Variants in ARMC6 observed in about 807,000 individuals in gnomAD.
ARMC6 encodes the protein armadillo repeat-containing protein 6.
A neutral mutation model predicts 49.2 loss-of-function variants in ARMC6; 43 were observed. The ratio of observed to expected loss-of-function variants is 0.87; its 90% CI spans 0.69 to 1.13. ARMC6 has a LOEUF of 1.13. Ranked by LOEUF, ARMC6 falls within the 50% of genes most tolerant of loss-of-function variation. The pLI, the probability that ARMC6 is intolerant of heterozygous loss-of-function variation, is 0.00. For synonymous variants in ARMC6, 262 were observed against 289.6 expected, an observed-to-expected ratio of 0.90 and a Z score of 0.97; for missense variants, 627 against 682.0, an observed-to-expected ratio of 0.92 and a Z score of 0.90.
intron 2 of ARMC6, chr19:19,037,672 C>A: frequency 8.7e-7 from 1 of 1,153,776 alleles, no homozygotes; most frequent in South Asian, 1.6e-5. Flanking sequence ...CTTGATAATT[C>A]CAGAACGGAA....
At position 19,054,251 on chromosome 19, in the gene ARMC6, G is replaced by A; in HGVS notation, c.953G>A (p.Gly318Asp). 6.2e-7 allele frequency: 1 copy of A among 1,611,952 alleles called. No homozygotes were observed. Among genetic ancestry groups the A allele is most frequent in the Non-Finnish European group, 8.5e-7 (1 of 1,179,058 alleles). Reference protein sequence around the residue: ...EFCQEVVDLGGLSILVSLLAD... With the variant: ...EFCQEVVDLGDLSILVSLLAD... ...TGCCAGGAGGTCGTCGACCTCGGGG[G>A]CCTGAGCATTCTGGTGTCCCTGCTA... The change falls in exon 6 of 9, where the codon GGC (glycine) becomes GAC (aspartate). Residue 318 changes from glycine (G) to aspartate (D), a missense_variant. By Grantham distance (94) the Gly-to-Asp change is moderately conservative. Transcript: ENST00000535612.
intron 4 of ARMC6, among the ~76,000 whole-genome samples, chr19:19,046,444 G>T (rs988058186): frequency 1.3e-5 from 2 of 151,946 alleles, no homozygotes; most frequent in African/African-American, 4.8e-5. Flanking sequence ...TGATCCGCCT[G>T]CCTCGGCCTC....
intron 5 of ARMC6, among the ~76,000 whole-genome samples, chr19:19,052,695 AACCCCT>A (rs2059509612): frequency 6.6e-6 from 1 of 152,188 alleles, no homozygotes; most frequent in Non-Finnish European, 1.5e-5. Flanking sequence ...CTTCTGTCTT[AACCCCT>A]ACCCCCATCC....
At chr19:19,050,482 C>A (rs951260875) in intron 4 of ARMC6, among the ~76,000 whole-genome samples, 3 of 152,170 alleles carry the variant, frequency 2.0e-5, no homozygotes, top group Admixed American at 1.3e-4. Flanking sequence ...TCCCAAAATG[C>A]TGGGATTACA....
intron 8 of ARMC6, among the ~76,000 whole-genome samples, chr19:19,056,371 C>T (rs991048146): frequency 2.0e-5 from 3 of 151,486 alleles, no homozygotes; most frequent in South Asian, 2.1e-4. Context: ...AAGCGATTCT[C>T]CTGTCTCAGT....
rs146096868 is a variant in ARMC6, at chr19:19,042,776, C to G, written c.95C>G (p.Ala32Gly). ...TQAKMVSKRI[A>G]QETFDAAVRE... ...GCGAAGATGGTCTCCAAGCGCATTG[C>G]CCAGGAGACCTTTGATGCAGCTGTG... The change falls in exon 3 of 9, where the codon GCC becomes GGC. Residue 32 changes from alanine (A) to glycine (G), a missense_variant. Ala to Gly is a moderately conservative substitution (Grantham distance 60). Coordinates refer to ENST00000535612, the MANE Select transcript of ARMC6 (RefSeq NM_001199196.2). The G allele has an allele frequency of 4.0e-4, 639 of 1,613,836 alleles. No individual in the cohort carries two copies. Among genetic ancestry groups the G allele is most frequent in the Non-Finnish European group, 5.1e-4 (598 of 1,180,038 alleles).
intron 4 of ARMC6, among the ~76,000 whole-genome samples, chr19:19,050,604 G>A (rs949326684): frequency 1.3e-5 from 2 of 152,150 alleles, no homozygotes; most frequent in Admixed American, 1.3e-4. Context: ...TGTATTCTTT[G>A]TAGTAATGTC....
At position 19,054,132 on chromosome 19, in the gene ARMC6, G is replaced by A. The variant is rs376530857; in HGVS notation, c.854-20G>A. 1.1e-5 allele frequency: 17 copies of A among 1,503,012 alleles called. No homozygotes were observed. The Admixed American group carries it at 1.6e-4, about 14-fold the overall frequency. The allele number at this position is 1,503,012 out of a possible 1,614,324, so 93.1% of individuals were successfully genotyped here. Reference sequence around the variant, plus strand: ...GCTGGTTCTTCCCGCCCCCACCACCGTCTCCCTTTCTCCCTGCAGCGTTCC... The same window carrying A: ...GCTGGTTCTTCCCGCCCCCACCACCATCTCCCTTTCTCCCTGCAGCGTTCC... On this transcript the variant is annotated intron_variant, in intron 5 of 8. Transcript: ENST00000535612.
At chr19:19,037,874 A>G (rs1055574004) in intron 2 of ARMC6, among the ~76,000 whole-genome samples, 13 of 152,150 alleles carry the variant, frequency 8.5e-5, no homozygotes, top group South Asian at 2.1e-4. Flanking sequence ...GGGGTCCCCA[A>G]TTCCTGGGTC....
intron 4 of ARMC6, among the ~76,000 whole-genome samples, chr19:19,044,357 A>C (rs901346885): frequency 3.9e-5 from 6 of 152,216 alleles, no homozygotes; most frequent in Non-Finnish European, 8.8e-5. Context: ...GACACCATAG[A>C]GGTGCCCCTC....
intron 2 of ARMC6, chr19:19,037,663 T>C (rs2059381859): frequency 4.3e-6 from 5 of 1,170,332 alleles, no homozygotes; most frequent in Non-Finnish European, 5.4e-6. Context: ...AAGTGGAAAC[T>C]TGATAATTCC....
rs2059312884 is a variant in ARMC6, at chr19:19,034,145, G to A, written c.-65G>A. Reference sequence around the variant, plus strand: ...TATTCATTCAGCACCTGTGCACTGAGTGCCTGCTGCGTGTCGGGCCCCGTC... The same window carrying A: ...TATTCATTCAGCACCTGTGCACTGAATGCCTGCTGCGTGTCGGGCCCCGTC... On this transcript the variant is annotated 5_prime_UTR_variant, in exon 2 of 9. It adds an upstream start codon to the 5' untranslated region. Transcript: ENST00000535612. 1 of 1,114,826 alleles carries A rather than the reference G, an allele frequency of 9.0e-7. No individual in the cohort carries two copies. The highest frequency in any genetic ancestry group is 1.5e-5 in the African/African-American group (1 of 65,290). The allele number at this position is 1,114,826 out of a possible 1,614,324, so 69.1% of individuals were successfully genotyped here.
At position 19,033,947 on chromosome 19, in the gene ARMC6, G is replaced by T; in HGVS notation, c.-80+17G>T. 1 of 480,042 alleles carries T rather than the reference G, an allele frequency of 2.1e-6. No homozygotes were observed. The highest frequency in any genetic ancestry group is 2.4e-5 in the South Asian group (1 of 42,486). The allele number at this position is 480,042 out of a possible 1,614,324, so 29.7% of individuals were successfully genotyped here. On this transcript the variant is annotated intron_variant, in intron 1 of 8. Coordinates refer to ENST00000535612, the MANE Select transcript of ARMC6 (RefSeq NM_001199196.2). ...GAAGACCGGGTGAGACGCTGCGGCT[G>T]CCGAGGCCTGTCCCGCGCGGAGTGG...
At chr19:19,054,631 G>C (rs1458993840) in intron 6 of ARMC6, among the ~76,000 whole-genome samples, 1 of 152,130 alleles carries the variant, frequency 6.6e-6, no homozygotes, top group Non-Finnish European at 1.5e-5. Context: ...ATAGAGCAGT[G>C]TCCCTACTCA....
chr19:19,055,265 G>A lies in ARMC6; in HGVS notation c.1024G>A (p.Glu342Lys). Residue 342 changes from glutamate to lysine, a missense_variant and splice_region_variant, in exon 7 of 9, where the codon GAG becomes AAG. Glu to Lys is a moderately conservative substitution (Grantham distance 56). Coordinates refer to ENST00000535612, the MANE Select transcript of ARMC6 (RefSeq NM_001199196.2). This position sits in a 1 kb window ranked among gnomAD's most constrained non-coding sequence, Gnocchi z 5.7. The stretch of plus-strand genomic sequence containing the variant: ...GTGAGCGGGCCTTTCCCTTGTGCAG[G>A]AGCTCGTGAAGCAAGTGCTGAGCAC... ...HQMRDQSGVQ[E>K]LVKQVLSTLR... 1.3e-6 allele frequency: 2 copies of A among 1,595,144 alleles called. No homozygotes were observed. The highest frequency in any genetic ancestry group is 1.3e-5 in the African/African-American group (1 of 74,540).
chr19:19,048,347 AAAAAAACAAAAAAC>A (rs57205750), intron 4 of ARMC6, among the ~76,000 whole-genome samples: 140 of 151,808 alleles, frequency 9.2e-4, no homozygotes, highest in African/African-American at 3.2e-3. Flanking sequence ...ATTGCATCTC[AAAAAAACAAAAAAC>A]AAAAAACAAA....
In ARMC6 at chr19:19,055,852, GCAT is replaced by G. The variant is rs1568498048; in HGVS notation, c.1222_1224del (p.Ile408del). 6.2e-7 allele frequency: 1 copy of G among 1,612,644 alleles called. No individual in the cohort carries two copies. The highest frequency in any genetic ancestry group is 1.7e-4 in the Middle Eastern group (1 of 6,054). On this transcript the variant is annotated inframe_deletion, in exon 8 of 9. Transcript: ENST00000535612. This position sits in a 1 kb window ranked among gnomAD's most constrained non-coding sequence, Gnocchi z 5.7. ...GCCCTGCGTAAGCCCGACAACAGCC[GCAT>G]CATCGTGGAGGGTGGCGGGGCTGTG...
rs1286123061 is a variant in ARMC6 at position 19,055,286 on chromosome 19, A to T, written c.1045A>T (p.Ser349Cys). The change falls in exon 7 of 9, where the codon AGC (serine) becomes TGC (cysteine). Residue 349 changes from serine to cysteine, a missense_variant. Coordinates refer to ENST00000535612, the MANE Select transcript of ARMC6 (RefSeq NM_001199196.2). The surrounding 1 kb of genome is among the most constrained non-coding windows in gnomAD (Gnocchi z 5.7). ...GVQELVKQVLSTLRAIAGNDD... is the reference protein window; with the variant it reads ...GVQELVKQVLCTLRAIAGNDD... ...GCAGGAGCTCGTGAAGCAAGTGCTG[A>T]GCACCCTGCGAGCCATCGCAGGCAA... The T allele has an allele frequency of 6.2e-7, 1 of 1,609,194 alleles. No individual in the cohort carries two copies. Among genetic ancestry groups the T allele is most frequent in the Admixed American group, 1.7e-5 (1 of 59,470 alleles).
chr19:19,049,328 A>G (rs1022673749), intron 4 of ARMC6, among the ~76,000 whole-genome samples: 1 of 152,140 alleles, frequency 6.6e-6, no homozygotes, highest in African/African-American at 2.4e-5. Context: ...TGAAGAGATT[A>G]CAGGCATGAG....
Sources: allele counts gnomAD v4.1 joint callset (sites outside exome capture counted in the v4.1 genomes callset), GRCh38; gene constraint gnomAD v4.1.1; non-coding constraint Gnocchi (gnomAD v3.1); transcripts MANE v1.5; gene names NCBI Gene and HGNC (gene_info 2026-07-23, HGNC 2026-07-21).